Variants in NCKAP5 observed in about 807,000 individuals in gnomAD.
NCKAP5 encodes the protein NCK associated protein 5, also known as nck-associated protein 5.
In NCKAP5, 92 loss-of-function variants were observed where a neutral mutation model predicts 167.0. The ratio of observed to expected loss-of-function variants is 0.55; its 90% CI spans 0.47 to 0.66. The LOEUF (loss-of-function observed/expected upper bound fraction) is 0.66. NCKAP5 is among the 30% of genes least tolerant of loss of function. The pLI is 0.00. For synonymous variants in NCKAP5, 891 were observed against 877.4 expected, an observed-to-expected ratio of 1.02 and a Z score of -0.27; for missense variants, 2,378 against 2,315.0, an observed-to-expected ratio of 1.03 and a Z score of -0.56.
chr2:133,124,272 C>A (rs148580261), intron 6 of NCKAP5, among the ~76,000 whole-genome samples: 1 of 152,104 alleles, frequency 6.6e-6, no homozygotes, highest in African/African-American at 2.4e-5. Flanking sequence ...TAATTATTCC[C>A]CCTTATTTAG....
At chr2:133,183,553 A>C (rs1457468423) in intron 5 of NCKAP5, among the ~76,000 whole-genome samples, 1 of 138,160 alleles carries the variant, frequency 7.2e-6, no homozygotes, top group Non-Finnish European at 1.5e-5. Flanking sequence ...AAAAATGGGA[A>C]TGGAGGGGAA....
At chr2:132,702,618 T>C (rs1027458471) in intron 19 of NCKAP5, among the ~76,000 whole-genome samples, 1 of 152,172 alleles carries the variant, frequency 6.6e-6, no homozygotes, top group Admixed American at 6.6e-5. Flanking sequence ...AATGGCAGTT[T>C]ATTCACACCA....
chr2:132,945,581 A>T (rs1697657161), intron 8 of NCKAP5, among the ~76,000 whole-genome samples: 1 of 152,174 alleles, frequency 6.6e-6, no homozygotes, highest in Non-Finnish European at 1.5e-5. Flanking sequence ...ACCCAGTGTC[A>T]ACATCCTTAA....
chr2:133,494,507 C>G (rs1267768253), intron 3 of NCKAP5, among the ~76,000 whole-genome samples: 1 of 152,122 alleles, frequency 6.6e-6, no homozygotes, highest in Non-Finnish European at 1.5e-5. Context: ...GTCTGTACAC[C>G]AAAAATAAAT....
chr2:133,024,273 A>G (rs1191062102), intron 6 of NCKAP5, among the ~76,000 whole-genome samples: 1 of 152,226 alleles, frequency 6.6e-6, no homozygotes, highest in Non-Finnish European at 1.5e-5. Context: ...AGTTGCATGA[A>G]AACAAACTGT....
chr2:133,024,523 A>G (rs1243449626), intron 6 of NCKAP5, among the ~76,000 whole-genome samples: 2 of 152,228 alleles, frequency 1.3e-5, no homozygotes, highest in African/African-American at 4.8e-5. Context: ...AACATTTTTA[A>G]AAGATGTTCA....
chr2:132,907,879 G>A (rs180716853), intron 8 of NCKAP5, among the ~76,000 whole-genome samples: 5 of 151,798 alleles, frequency 3.3e-5, no homozygotes, highest in South Asian at 4.2e-4. Flanking sequence ...GGATGGTCTC[G>A]ATCTCCTGAC....
intron 7 of NCKAP5, among the ~76,000 whole-genome samples, chr2:132,992,031 G>C (rs1484087360): frequency 6.6e-6 from 1 of 152,134 alleles, no homozygotes; most frequent in Non-Finnish European, 1.5e-5. Context: ...TGAATGCCCA[G>C]GGCACAAGGC....
chr2:133,136,756 T>C (rs1017394852), intron 5 of NCKAP5, among the ~76,000 whole-genome samples: 1 of 152,162 alleles, frequency 6.6e-6, no homozygotes, highest in Non-Finnish European at 1.5e-5. Flanking sequence ...TGTATATTGA[T>C]AGAAAAACAC....
chr2:132,753,559 T>G (rs1259086161), intron 16 of NCKAP5, among the ~76,000 whole-genome samples: 1 of 152,210 alleles, frequency 6.6e-6, no homozygotes, highest in East Asian at 1.9e-4. Flanking sequence ...TTTTAAGAAC[T>G]CAGGAGAATG....
At chr2:133,444,063 G>C (rs1392551786) in intron 3 of NCKAP5, among the ~76,000 whole-genome samples, 1 of 151,122 alleles carries the variant, frequency 6.6e-6, no homozygotes, top group African/African-American at 2.4e-5. Flanking sequence ...TTTTTTTTCA[G>C]TTTGCTGTAT....
chr2:133,654,583 A>T, the NCKAP5 span, among the ~76,000 whole-genome samples: 1 of 152,182 alleles, frequency 6.6e-6, no homozygotes, highest in African/African-American at 2.4e-5. Flanking sequence ...ATTCTAGGCT[A>T]TGTGGCTCGT....
Position 132,783,696 on chromosome 2 carries a change from C to T in NCKAP5, c.3115G>A (p.Val1039Ile). The change falls in exon 14 of 20, where the codon GTC (valine) becomes ATC (isoleucine). Residue 1039 changes from valine (V) to isoleucine (I), a missense_variant. Coordinates refer to ENST00000409261, the MANE Select transcript of NCKAP5 (RefSeq NM_207363.3). ...FTVMALGPPK[V>I]SPKRGVPKTS... is the part of the protein sequence containing the mutation. ...TTGGGGACACCTCTCTTCGGAGAGA[C>T]CTTTGGAGGCCCCAGAGCCATTACG... 1 of 1,613,440 alleles carries T rather than the reference C, an allele frequency of 6.2e-7. No homozygotes were observed. Among genetic ancestry groups the T allele is most frequent in the Non-Finnish European group, 8.5e-7 (1 of 1,179,716 alleles).
intron 5 of NCKAP5, among the ~76,000 whole-genome samples, chr2:133,172,533 A>G (rs1366351362): frequency 6.6e-6 from 1 of 152,198 alleles, no homozygotes; most frequent in Non-Finnish European, 1.5e-5. Flanking sequence ...GTGCAAAGGC[A>G]CGATCTTAGC....
At chr2:133,195,365 C>T (rs946268137) in intron 5 of NCKAP5, among the ~76,000 whole-genome samples, 6 of 148,952 alleles carry the variant, frequency 4.0e-5, no homozygotes, top group Non-Finnish European at 5.9e-5. Context: ...AGAGAATAGA[C>T]GAAATCAGAA....
chr2:132,886,581 T>G lies in NCKAP5; in HGVS notation c.580-7665A>C, dbSNP rs183617085. ...AATTTCTCTTTAGCGTCCTCTCATATGGAACAGTTCCTGAGGTGTTGTCTT... is the reference window on the plus strand; with the variant it reads ...AATTTCTCTTTAGCGTCCTCTCATAGGGAACAGTTCCTGAGGTGTTGTCTT... On this transcript the variant is annotated intron_variant, in intron 8 of 19. Transcript: ENST00000409261. Among the ~76,000 whole-genome samples the G allele has an allele frequency of 5.9e-5, 9 of 152,358 alleles. No individual in the cohort carries two copies. In the East Asian group the frequency reaches 1.5e-3, roughly 26 times the overall value.
chr2:132,971,291 G>A (rs2076827626), intron 7 of NCKAP5, among the ~76,000 whole-genome samples: 1 of 152,158 alleles, frequency 6.6e-6, no homozygotes, highest in Non-Finnish European at 1.5e-5. Context: ...AGATCCGAGG[G>A]CACAGTGAGA....
At chr2:133,011,968 T>C (rs2149363825) in intron 6 of NCKAP5, among the ~76,000 whole-genome samples, 1 of 152,228 alleles carries the variant, frequency 6.6e-6, no homozygotes, top group Non-Finnish European at 1.5e-5. Context: ...CCATTCTCTC[T>C]TTTCTCTTCT....
chr2:133,151,153 G>A (rs144244738), intron 5 of NCKAP5, among the ~76,000 whole-genome samples: 81 of 152,166 alleles, frequency 5.3e-4, no homozygotes, highest in South Asian at 5.0e-3. Flanking sequence ...CAATATGTAC[G>A]CTTTTCTGTA....
Sources: allele counts gnomAD v4.1 joint callset (sites outside exome capture counted in the v4.1 genomes callset), GRCh38; gene constraint gnomAD v4.1.1; transcripts MANE v1.5; gene names NCBI Gene and HGNC (gene_info 2026-07-23, HGNC 2026-07-21).